Variants in ZC3H18 observed in about 807,000 individuals in gnomAD.
ZC3H18 encodes the protein zinc finger CCCH domain-containing protein 18.
A neutral mutation model predicts 106.1 loss-of-function variants in ZC3H18; 8 were observed. That is an observed-to-expected ratio of 0.08 (90% CI 0.04 to 0.14). The LOEUF (loss-of-function observed/expected upper bound fraction) is 0.14, where lower values mean the gene tolerates loss of function less well. Ranked by LOEUF, ZC3H18 falls within the 10% of genes least tolerant of loss-of-function variation. The pLI is 1.00. For missense variants in ZC3H18, 1,318 were observed against 1,278.4 expected (o/e 1.03, Z -0.47); for synonymous variants, 635 against 522.1 (o/e 1.22, Z -2.95).
chr16:88,612,367 CT>C (rs1341681271), intron 8 of ZC3H18, among the ~76,000 whole-genome samples: 3 of 152,042 alleles, frequency 2.0e-5, no homozygotes, highest in African/African-American at 7.3e-5. Context: ...CATGAGAGCA[CT>C]TTTGCCCCCT....
intron 1 of ZC3H18, among the ~76,000 whole-genome samples, chr16:88,576,871 C>T (rs533379813): frequency 6.6e-6 from 1 of 152,214 alleles, no homozygotes; most frequent in Admixed American, 6.5e-5. Context: ...TCTGCCACAT[C>T]TCATTTTGCC....
At chr16:88,600,236 C>G (rs186095336) in intron 6 of ZC3H18, among the ~76,000 whole-genome samples, 1 of 152,192 alleles carries the variant, frequency 6.6e-6, no homozygotes, top group African/African-American at 2.4e-5. Flanking sequence ...TCCTTGAGGC[C>G]TCTAGAGCCC....
chr16:88,624,782 G>T, intron 12 of ZC3H18, 37 bp downstream of exon 12: 1 of 1,576,214 alleles, frequency 6.3e-7, no homozygotes, highest in Admixed American at 1.9e-5. Flanking sequence ...CAGGCTTTCC[G>T]TGTTCTTGGT....
intron 6 of ZC3H18, 158 bp from the exon 7 acceptor site, chr16:88,608,776 G>A: frequency 1.7e-6 from 1 of 577,920 alleles, no homozygotes; most frequent in Non-Finnish European, 3.2e-6. Flanking sequence ...CTTAGATGTA[G>A]TTTGTGAACA....
intron 3 of ZC3H18, among the ~76,000 whole-genome samples, chr16:88,587,133 A>G (rs1343862325): frequency 2.6e-5 from 4 of 152,200 alleles, no homozygotes; most frequent in Non-Finnish European, 5.9e-5. Flanking sequence ...TGGATTTCGA[A>G]ATGGCCAGAG....
chr16:88,611,634 A>G (rs1905281368), intron 8 of ZC3H18, 98 bp downstream of exon 8: 5 of 1,456,210 alleles, frequency 3.4e-6, no homozygotes, highest in Non-Finnish European at 4.6e-6. Flanking sequence ...TGTGGCCCAC[A>G]GCTCTGGAGC....
intron 2 of ZC3H18, among the ~76,000 whole-genome samples, chr16:88,581,261 CA>C (rs1287522646): frequency 1.3e-5 from 2 of 152,232 alleles, no homozygotes; most frequent in Non-Finnish European, 2.9e-5. Flanking sequence ...CTGGGCCTCC[CA>C]AAGTGCCAAG....
Position 88,627,856 on chromosome 16 carries a change from G to A in ZC3H18, c.2270-64G>A, listed in dbSNP as rs946243732. On this transcript the variant is annotated intron_variant, in intron 14 of 17. Coordinates refer to ENST00000301011, the MANE Select transcript of ZC3H18 (RefSeq NM_144604.4). This position sits in a 1 kb window ranked among gnomAD's most constrained non-coding sequence, Gnocchi z 4.5. ...GGCGGCATCAGCACAGACTTTGCCT[G>A]GCTGTTGGTGTGGCCATGGGAAAAT... 42 of 1,612,574 alleles carry A rather than the reference G, an allele frequency of 2.6e-5. No homozygotes were observed. Among genetic ancestry groups the A allele is most frequent in the Non-Finnish European group, 3.3e-5 (39 of 1,179,314 alleles).
At chr16:88,593,873 C>T (rs1280075982) in intron 3 of ZC3H18, among the ~76,000 whole-genome samples, 1 of 152,156 alleles carries the variant, frequency 6.6e-6, no homozygotes, top group Non-Finnish European at 1.5e-5. Flanking sequence ...CTCAGGTGAC[C>T]ATTGCAGGAT....
intron 2 of ZC3H18, among the ~76,000 whole-genome samples, chr16:88,582,704 C>T (rs186713723): frequency 6.6e-6 from 1 of 152,274 alleles, no homozygotes; most frequent in African/African-American, 2.4e-5. Context: ...GGTTAGTGTT[C>T]CACATAGCCA....
chr16:88,606,091 A>T (rs1904997612), intron 6 of ZC3H18, among the ~76,000 whole-genome samples: 1 of 152,228 alleles, frequency 6.6e-6, no homozygotes, highest in African/African-American at 2.4e-5. Flanking sequence ...GCTTTGCCCA[A>T]CCTTGCTTCA....
At chr16:88,594,179 G>A (rs1904321016) in intron 3 of ZC3H18, among the ~76,000 whole-genome samples, 1 of 152,128 alleles carries the variant, frequency 6.6e-6, no homozygotes, top group South Asian at 2.1e-4. Flanking sequence ...GGGTTTTCCA[G>A]GGTCAGCATT....
At chr16:88,620,857 G>A in intron 8 of ZC3H18, among the ~76,000 whole-genome samples, 1 of 152,028 alleles carries the variant, frequency 6.6e-6, no homozygotes, top group East Asian at 1.9e-4. Flanking sequence ...AATATCATTT[G>A]TGTTTGGGTT....
intron 1 of ZC3H18, chr16:88,571,602 C>T (rs1031805528): frequency 4.1e-6 from 4 of 985,314 alleles, no homozygotes; most frequent in African/African-American, 1.7e-5. Flanking sequence ...GGAAACTCCT[C>T]TCCCGTTGTA....
rs766169078 is a variant in ZC3H18 at position 88,631,656 on chromosome 16, G to A, written c.*357G>A. 14 of 472,066 alleles carry A rather than the reference G, an allele frequency of 3.0e-5. No homozygotes were observed. The highest frequency in any genetic ancestry group is 4.6e-5 in the Non-Finnish European group (11 of 238,086). 29.2% of individuals were successfully genotyped at this position (472,066 alleles called of 1,614,324 possible). ...AGCCCCAGCTCTGGGTCCCTAGCCC[G>A]GGTCCAGGCAGCCAGGCTCCCTCCT... is the stretch of plus-strand genomic sequence containing the variant. On this transcript the variant is annotated 3_prime_UTR_variant, in exon 18 of 18. Coordinates refer to ENST00000301011, the MANE Select transcript of ZC3H18 (RefSeq NM_144604.4).
Position 88,583,070 on chromosome 16 carries a change from C to T in ZC3H18, c.604-3530C>T, listed in dbSNP as rs117986305. Among the ~76,000 whole-genome samples the T allele has an allele frequency of 2.2e-3, 334 of 152,366 alleles. 2 individuals carry two copies. Among genetic ancestry groups the T allele is most frequent in the Non-Finnish European group, 3.9e-3 (268 of 68,042 alleles). On this transcript the variant is annotated intron_variant, in intron 2 of 17. Transcript: ENST00000301011. Reference sequence around the variant, plus strand: ...GGAGGTTGTGGTTGGCCTGAGTGGCCGTGCCAGGTTGGGCCCGGGGCCCGG... The same window carrying T: ...GGAGGTTGTGGTTGGCCTGAGTGGCTGTGCCAGGTTGGGCCCGGGGCCCGG...
intron 8 of ZC3H18, among the ~76,000 whole-genome samples, chr16:88,615,573 A>G (rs1019761262): frequency 8.5e-5 from 13 of 152,150 alleles, no homozygotes. Flanking sequence ...TTGCACATTG[A>G]TTTCTACAAA....
intron 3 of ZC3H18, among the ~76,000 whole-genome samples, chr16:88,591,400 C>T (rs2142622124): frequency 6.6e-6 from 1 of 152,240 alleles, no homozygotes; most frequent in Admixed American, 6.5e-5. Flanking sequence ...TGGTGAAACC[C>T]TGTCTCTACT....
At position 88,611,446 on chromosome 16, in the gene ZC3H18, A is replaced by G. The variant is rs1386970320; in HGVS notation, c.1385A>G (p.Glu462Gly). The change falls in exon 8 of 18, where the codon GAG becomes GGG. Residue 462 changes from glutamate to glycine, a missense_variant. Transcript: ENST00000301011. ...GAGCGTGAGCGAGCCAAGCGGGACG[A>G]GAAGGACCGGCAGCACCGTGACCGC... ...EWERERAKRD[E>G]KDRQHRDRDR... 1 of 1,525,956 alleles carries G rather than the reference A, an allele frequency of 6.6e-7. No homozygotes were observed. The highest frequency in any genetic ancestry group is 8.9e-7 in the Non-Finnish European group (1 of 1,123,734). The allele number at this position is 1,525,956 out of a possible 1,614,324, so 94.5% of individuals were successfully genotyped here.
Sources: allele counts gnomAD v4.1 joint callset (sites outside exome capture counted in the v4.1 genomes callset), GRCh38; gene constraint gnomAD v4.1.1; non-coding constraint Gnocchi (gnomAD v3.1); transcripts MANE v1.5; gene names NCBI Gene and HGNC (gene_info 2026-07-23, HGNC 2026-07-21).